The following ADAM29 variants were observed in gnomAD, a reference collection of about 807,000 sequenced individuals.
ADAM29 encodes disintegrin and metalloproteinase domain-containing protein 29.
For synonymous variants in ADAM29, 367 were observed against 342.3 expected, an observed-to-expected ratio of 1.07 and a Z score of -0.80; for missense variants, 969 against 1,001.8, an observed-to-expected ratio of 0.97 and a Z score of 0.44.
Position 174,918,488 on chromosome 4 carries a change from C to G in ADAM29, c.-557+17C>G, listed in dbSNP as rs542695335. The stretch of plus-strand genomic sequence containing the variant: ...CACAAGCAGGTTATAGCTATTTAAA[C>G]CTTGCCTTACCTGTACTCTTTACAC... On this transcript the variant is annotated intron_variant, in intron 1 of 4. Coordinates refer to ENST00000359240, the MANE Select transcript of ADAM29 (RefSeq NM_014269.4). 3.3e-5 allele frequency: 5 copies of G among 152,248 alleles called. No individual in the cohort carries two copies. The East Asian group carries it at 9.7e-4, about 29-fold the overall frequency. The allele number at this position is 152,248 out of a possible 1,614,324, so 9.4% of individuals were successfully genotyped here.
chr4:174,940,773 G>T (rs1251378304), intron 4 of ADAM29, among the ~76,000 whole-genome samples: 7 of 152,116 alleles, frequency 4.6e-5, no homozygotes, highest in African/African-American at 9.6e-5. Context: ...TTTCAGCATG[G>T]TCATGATTAT....
chr4:174,967,632 A>G (rs1746228113), intron 4 of ADAM29, among the ~76,000 whole-genome samples: 1 of 152,230 alleles, frequency 6.6e-6, no homozygotes, highest in Non-Finnish European at 1.5e-5. Context: ...AAGGAAAAGC[A>G]CTGGATATTT....
chr4:174,943,466 T>C (rs1233507523), intron 4 of ADAM29, among the ~76,000 whole-genome samples: 1 of 152,216 alleles, frequency 6.6e-6, no homozygotes, highest in Non-Finnish European at 1.5e-5. Flanking sequence ...AAATGACAAC[T>C]ATGGTGGAAG....
Position 174,974,963 on chromosome 4 carries a change from A to G in ADAM29, c.-180-383A>G, listed in dbSNP as rs376662002. 4.5e-4 allele frequency among the ~76,000 whole-genome samples: 69 copies of G among 152,332 alleles called. 2 individuals carry two copies. Among genetic ancestry groups the G allele is most frequent in the South Asian group, 4.1e-3 (20 of 4,834 alleles). The stretch of plus-strand genomic sequence containing the variant: ...AGAAAATCTATTAATGCTTATGACA[A>G]TTTAACACGTGTAAATTGAAACTGT... On this transcript the variant is annotated intron_variant, in intron 4 of 4. Transcript: ENST00000359240.
At chr4:174,946,770 T>C (rs917382003) in intron 4 of ADAM29, among the ~76,000 whole-genome samples, 2 of 152,254 alleles carry the variant, frequency 1.3e-5, no homozygotes, top group African/African-American at 4.8e-5. Context: ...TAGAATGAGT[T>C]AGGGTGGAGT....
chr4:174,964,082 A>C (rs555889490), intron 4 of ADAM29, among the ~76,000 whole-genome samples: 2 of 152,238 alleles, frequency 1.3e-5, no homozygotes, highest in South Asian at 2.1e-4. Flanking sequence ...ATCTAGGATA[A>C]TAAAATTTTT....
chr4:174,950,670 T>C (rs1745114773), intron 4 of ADAM29, among the ~76,000 whole-genome samples: 1 of 152,196 alleles, frequency 6.6e-6, no homozygotes, highest in Admixed American at 6.5e-5. Flanking sequence ...GAATTATAAA[T>C]CATACACACA....
intron 4 of ADAM29, among the ~76,000 whole-genome samples, chr4:174,952,238 C>T (rs941124518): frequency 6.6e-6 from 1 of 151,826 alleles, no homozygotes; most frequent in Non-Finnish European, 1.5e-5. Context: ...CGGATTCTTC[C>T]TGGATAACTT....
chr4:174,925,363 T>C (rs1235077657), intron 2 of ADAM29, among the ~76,000 whole-genome samples: 1 of 118,384 alleles, frequency 8.4e-6, no homozygotes, highest in Non-Finnish European at 1.9e-5. Context: ...TGTGCTATCT[T>C]TGCATTTTTT....
Position 174,977,962 on chromosome 4 carries a change from A to G in ADAM29, c.2437A>G (p.Ser813Gly), listed in dbSNP as rs116593523. 9.3e-4 allele frequency: 1,474 copies of G among 1,591,840 alleles called. 9 individuals are homozygous for G. The African/African-American group carries it at 0.018, about 20-fold the overall frequency. ...QRQPQLMPSQSQPPVTPS is the reference protein window; with the variant it reads ...QRQPQLMPSQGQPPVTPS ...GCAACCTCAGTTGATGCCTTCCCAG[A>G]GTCAACCTCCTGTGACGCCCTCCTA... Residue 813 changes from serine (S) to glycine (G), a missense_variant, in exon 5 of 5, where the codon AGT (serine) becomes GGT (glycine). Physicochemically the swap from Ser to Gly is moderately conservative, Grantham distance 56 (BLOSUM62 0). Coordinates refer to ENST00000359240, the MANE Select transcript of ADAM29 (RefSeq NM_014269.4).
intron 4 of ADAM29, among the ~76,000 whole-genome samples, chr4:174,937,701 A>G (rs1744281642): frequency 6.6e-6 from 1 of 151,984 alleles, no homozygotes; most frequent in African/African-American, 2.4e-5. Context: ...TTCAAATTTC[A>G]GAGTATTTTT....
intron 4 of ADAM29, among the ~76,000 whole-genome samples, chr4:174,963,360 T>G (rs1464128927): frequency 2.0e-5 from 3 of 152,144 alleles, no homozygotes; most frequent in Non-Finnish European, 4.4e-5. Flanking sequence ...ATTGATTATG[T>G]GTAAATTTAT....
At chr4:174,970,004 C>T (rs1463893073) in intron 4 of ADAM29, among the ~76,000 whole-genome samples, 2 of 151,998 alleles carry the variant, frequency 1.3e-5, no homozygotes, top group Non-Finnish European at 2.9e-5. Flanking sequence ...AGGCACCTGT[C>T]TCCACATCCT....
chr4:174,971,580 T>C (rs1347146687), intron 4 of ADAM29, among the ~76,000 whole-genome samples: 1 of 152,210 alleles, frequency 6.6e-6, no homozygotes, highest in African/African-American at 2.4e-5. Context: ...GATAGTTTCA[T>C]GGACATTTTC....
At chr4:174,938,188 A>G (rs527740309) in intron 4 of ADAM29, among the ~76,000 whole-genome samples, 8 of 152,264 alleles carry the variant, frequency 5.3e-5, no homozygotes, top group Middle Eastern at 3.4e-3. Context: ...GATAACAAAT[A>G]AGAAGGAAGA....
At chr4:174,961,662 T>C (rs1034232020) in intron 4 of ADAM29, among the ~76,000 whole-genome samples, 5 of 152,134 alleles carry the variant, frequency 3.3e-5, no homozygotes, top group Non-Finnish European at 7.4e-5. Flanking sequence ...GAAAAAAAGA[T>C]CTAAACCATT....
chr4:174,956,494 CTGTGTG>C (rs147629496), intron 4 of ADAM29, among the ~76,000 whole-genome samples: 1 of 148,968 alleles, frequency 6.7e-6, no homozygotes, highest in Non-Finnish European at 1.5e-5. Context: ...GTGTGTGTGT[CTGTGTG>C]TGTGTGTTTG....
In ADAM29 at chr4:174,953,722, T is replaced by TTA. The variant is rs1560879169; in HGVS notation, c.-181+16710_-181+16711insAT. Among the ~76,000 whole-genome samples, 731 of 152,020 alleles carry TTA rather than the reference T, an allele frequency of 4.8e-3. 6 individuals are homozygous for TTA. Among genetic ancestry groups the TTA allele is most frequent in the African/African-American group, 0.017 (703 of 41,446 alleles). On this transcript the variant is annotated intron_variant, in intron 4 of 4. Transcript: ENST00000359240. ...ACCCATGCTTTTTTTTATTATTATT[T>TTA]TTTTCTGAGATGGGGTCTTGCTCTG...
In ADAM29 at chr4:174,928,082, C is replaced by T. The variant is rs1743620659; in HGVS notation, c.-450-2904C>T. Among the ~76,000 whole-genome samples, 3 of 152,136 alleles carry T rather than the reference C, an allele frequency of 2.0e-5. No homozygotes were observed. In the South Asian group the frequency reaches 6.2e-4, roughly 31 times the overall value. On this transcript the variant is annotated intron_variant, in intron 2 of 4. Coordinates refer to ENST00000359240, the MANE Select transcript of ADAM29 (RefSeq NM_014269.4). The stretch of plus-strand genomic sequence containing the variant: ...TAGGATTCCAAATCAGTTTGTCTTC[C>T]TCTTCCCTGCTTAAAACGTTTTCCC...
Sources: allele counts gnomAD v4.1 joint callset (sites outside exome capture counted in the v4.1 genomes callset), GRCh38; gene constraint gnomAD v4.1.1; transcripts MANE v1.5; gene names NCBI Gene and HGNC (gene_info 2026-07-23, HGNC 2026-07-21).